Variants in SORCS3 observed in about 807,000 individuals in gnomAD.
SORCS3 encodes sortilin related VPS10 domain containing receptor 3.
A neutral mutation model predicts 146.3 loss-of-function variants in SORCS3; 57 were observed. The ratio of observed to expected loss-of-function variants is 0.39; its 90% CI spans 0.31 to 0.49. The LOEUF is 0.49. SORCS3 is among the 20% of genes least tolerant of loss of function. The pLI, the probability that SORCS3 is intolerant of heterozygous loss-of-function variation, is 0.92. For synonymous variants in SORCS3, 653 were observed against 618.5 expected, an observed-to-expected ratio of 1.06 and a Z score of -0.83; for missense variants, 1,341 against 1,575.5, an observed-to-expected ratio of 0.85 and a Z score of 2.52.
chr10:105,205,034 G>A (rs775635506), intron 16 of SORCS3, among the ~76,000 whole-genome samples: 18 of 152,146 alleles, frequency 1.2e-4, no homozygotes, highest in Non-Finnish European at 2.1e-4. Flanking sequence ...GAAATACCCA[G>A]TACAGTTAGT....
chr10:104,913,180 G>A (rs1302614565), intron 2 of SORCS3, among the ~76,000 whole-genome samples: 3 of 152,180 alleles, frequency 2.0e-5, no homozygotes, highest in African/African-American at 4.8e-5. Context: ...AAGGAGTGAG[G>A]TGGACAGATC....
At chr10:105,142,744 C>T (rs571148751) in intron 8 of SORCS3, among the ~76,000 whole-genome samples, 1 of 152,188 alleles carries the variant, frequency 6.6e-6, no homozygotes, top group South Asian at 2.1e-4. Flanking sequence ...TCTTTTCTGC[C>T]TTCACTTCAA....
intron 3 of SORCS3, among the ~76,000 whole-genome samples, chr10:104,964,444 A>G (rs1160553339): frequency 3.9e-5 from 6 of 152,074 alleles, no homozygotes; most frequent in Admixed American, 2.0e-4. Context: ...TCACCATCTG[A>G]TATGCCACAT....
intron 1 of SORCS3, among the ~76,000 whole-genome samples, chr10:104,645,953 A>G (rs1176068935): frequency 2.0e-5 from 3 of 152,210 alleles, no homozygotes; most frequent in Non-Finnish European, 2.9e-5. Flanking sequence ...ATCTTAATGC[A>G]TTCTGCCTTT....
intron 6 of SORCS3, among the ~76,000 whole-genome samples, chr10:105,093,155 G>T (rs2133743977): frequency 6.6e-6 from 1 of 152,244 alleles, no homozygotes; most frequent in African/African-American, 2.4e-5. Context: ...GTGTAGAAAG[G>T]ATATTATTTT....
At chr10:105,131,292 C>T (rs1326142137) in intron 7 of SORCS3, among the ~76,000 whole-genome samples, 1 of 152,154 alleles carries the variant, frequency 6.6e-6, no homozygotes, top group Non-Finnish European at 1.5e-5. Context: ...GGAGGAAACA[C>T]TGCAGAGGCA....
intron 7 of SORCS3, among the ~76,000 whole-genome samples, chr10:105,127,949 CT>C (rs1462549369): frequency 1.3e-5 from 2 of 152,144 alleles, no homozygotes; most frequent in African/African-American, 4.8e-5. Context: ...TGGAAAGGCT[CT>C]GGCGTAGACA....
At chr10:105,231,902 G>A (rs2056768140) in intron 20 of SORCS3, among the ~76,000 whole-genome samples, 1 of 152,042 alleles carries the variant, frequency 6.6e-6, no homozygotes, top group Admixed American at 6.5e-5. Flanking sequence ...GATTCAATTT[G>A]CTAATGCTTT....
At chr10:105,213,196 A>G (rs1278104090) in intron 17 of SORCS3, among the ~76,000 whole-genome samples, 1 of 152,212 alleles carries the variant, frequency 6.6e-6, no homozygotes, top group Non-Finnish European at 1.5e-5. Flanking sequence ...AAAATATATC[A>G]TAATTTGATC....
chr10:104,920,569 A>G (rs2133603222), intron 3 of SORCS3, among the ~76,000 whole-genome samples: 1 of 152,294 alleles, frequency 6.6e-6, no homozygotes, highest in South Asian at 2.1e-4. Flanking sequence ...ATAGACTTTG[A>G]TAAATTACCC....
At chr10:105,054,926 A>G (rs1370443098) in intron 5 of SORCS3, among the ~76,000 whole-genome samples, 1 of 152,208 alleles carries the variant, frequency 6.6e-6, no homozygotes, top group Non-Finnish European at 1.5e-5. Flanking sequence ...ATCCAAATGA[A>G]TTTAGAATCA....
chr10:104,826,276 G>A (rs1453020011), intron 1 of SORCS3, among the ~76,000 whole-genome samples: 1 of 152,158 alleles, frequency 6.6e-6, no homozygotes, highest in Non-Finnish European at 1.5e-5. Context: ...GGCCCTTCCT[G>A]TATTTGTTCC....
At chr10:105,029,617 C>T (rs2055251381) in intron 4 of SORCS3, among the ~76,000 whole-genome samples, 1 of 152,196 alleles carries the variant, frequency 6.6e-6, no homozygotes, top group African/African-American at 2.4e-5. Flanking sequence ...AAAGCCGTGG[C>T]TTCTCTGATG....
chr10:104,958,533 A>T (rs2054768945), intron 3 of SORCS3, among the ~76,000 whole-genome samples: 1 of 152,196 alleles, frequency 6.6e-6, no homozygotes, highest in Non-Finnish European at 1.5e-5. Flanking sequence ...AATGGGAAAG[A>T]GGGAGGAAGA....
chr10:104,747,256 GTGTT>G (rs1454087046), intron 1 of SORCS3, among the ~76,000 whole-genome samples: 2 of 152,322 alleles, frequency 1.3e-5, no homozygotes, highest in African/African-American at 4.8e-5. Context: ...GCTGCTCAAA[GTGTT>G]TGTCCTACCA....
chr10:104,895,739 C>T (rs550371726), intron 2 of SORCS3, among the ~76,000 whole-genome samples: 5 of 152,218 alleles, frequency 3.3e-5, no homozygotes, highest in South Asian at 2.1e-4. Context: ...CATGCCTGTA[C>T]ACGCTTACAT....
intron 4 of SORCS3, among the ~76,000 whole-genome samples, chr10:105,041,270 T>C (rs73340206): frequency 0.046 from 6,902 of 149,024 alleles, 180 homozygotes; most frequent in Middle Eastern, 0.078. Context: ...TGTCTCCATG[T>C]GTGTGTGGGA....
intron 13 of SORCS3, among the ~76,000 whole-genome samples, chr10:105,169,042 G>A (rs1278055166): frequency 6.6e-6 from 1 of 152,100 alleles, no homozygotes; most frequent in Non-Finnish European, 1.5e-5. Flanking sequence ...GGACTTTCCA[G>A]GCACTGTTCT....
chr10:104,974,240 T>C (rs1470332155), intron 3 of SORCS3, among the ~76,000 whole-genome samples: 1 of 152,188 alleles, frequency 6.6e-6, no homozygotes, highest in Non-Finnish European at 1.5e-5. Flanking sequence ...GTTCAATTCC[T>C]GGGTATACTT....
Sources: allele counts gnomAD v4.1 joint callset (sites outside exome capture counted in the v4.1 genomes callset), GRCh38; gene constraint gnomAD v4.1.1; transcripts MANE v1.5; gene names NCBI Gene and HGNC (gene_info 2026-07-23, HGNC 2026-07-21).